Variants in PLXNA2 observed in about 807,000 individuals in gnomAD.
PLXNA2 encodes the protein plexin A2, also known as plexin-A2.
In PLXNA2, 91 loss-of-function variants were observed where a neutral mutation model predicts 193.5. The ratio of observed to expected loss-of-function variants is 0.47; its 90% confidence interval spans 0.40 to 0.56. The LOEUF (loss-of-function observed/expected upper bound fraction) is 0.56, where lower values mean the gene tolerates loss of function less well. PLXNA2 is among the 20% of genes least tolerant of loss of function. The probability of loss-of-function intolerance (pLI) is 0.00; values close to 1 mark genes in which losing one functional copy is unlikely to be tolerated. For missense variants in PLXNA2, 1,995 were observed against 2,503.2 expected (o/e 0.80, Z 4.33); for synonymous variants, 997 against 1,027.3 (o/e 0.97, Z 0.56).
At chr1:208,095,601 G>T (rs931573611) in intron 8 of PLXNA2, among the ~76,000 whole-genome samples, 2 of 152,106 alleles carry the variant, frequency 1.3e-5, no homozygotes, top group Non-Finnish European at 2.9e-5. Flanking sequence ...TCCTCTGTGG[G>T]TGACTGTGTG....
intron 1 of PLXNA2, among the ~76,000 whole-genome samples, chr1:208,239,965 A>G (rs910416007): frequency 6.6e-6 from 1 of 152,176 alleles, no homozygotes; most frequent in African/African-American, 2.4e-5. Flanking sequence ...ATGGGGGAAC[A>G]CCTGCTGGTC....
rs369309868 is a variant in PLXNA2 at position 208,217,626 on chromosome 1, G to A, written c.297C>T (p.Ile99=). 89 of 1,614,076 alleles carry A rather than the reference G, an allele frequency of 5.5e-5. No individual in the cohort carries two copies. Among genetic ancestry groups the A allele is most frequent in the African/African-American group, 1.1e-4 (8 of 74,932 alleles). ...EDNKSCYPPL[I]VQPCSEVLTL... is the part of the protein sequence containing the mutation. ...TGAGCACTTCGCTGCAGGGCTGCAC[G>A]ATGAGGGGCGGGTAACAAGACTTGT... Residue 99 remains isoleucine (I), a synonymous_variant, in exon 2 of 32, where the codon ATC becomes ATT. Coordinates refer to ENST00000367033, the MANE Select transcript of PLXNA2 (RefSeq NM_025179.4). This position sits in a 1 kb window ranked among gnomAD's most constrained non-coding sequence, Gnocchi z 4.7.
chr1:208,225,392 TC>T (rs1671477912), intron 1 of PLXNA2, among the ~76,000 whole-genome samples: 1 of 152,158 alleles, frequency 6.6e-6, no homozygotes. Flanking sequence ...AGCCTCCATC[TC>T]CTGGACTCAA....
intron 10 of PLXNA2, among the ~76,000 whole-genome samples, chr1:208,083,977 AAG>A (rs1328786354): frequency 6.6e-6 from 1 of 152,186 alleles, no homozygotes; most frequent in Non-Finnish European, 1.5e-5. Flanking sequence ...ACTGAAGACA[AAG>A]AGGTGCTCTT....
intron 28 of PLXNA2, 61 bp downstream of exon 28, chr1:208,033,258 T>C: frequency 4.2e-6 from 6 of 1,439,524 alleles, no homozygotes; most frequent in South Asian, 1.3e-5. Context: ...TTCTGTGTTG[T>C]GGAGGGGCAG....
rs140662987 is a variant in PLXNA2 at position 208,081,365 on chromosome 1, C to G, written c.2395+1047G>C. On this transcript the variant is annotated intron_variant, in intron 11 of 31. Transcript: ENST00000367033. ...CCCCTGCTATGGCCTTGCCCCCTAC[C>G]CCATCTCCATTGGCTGATCCGTCAG... 3.4e-3 allele frequency among the ~76,000 whole-genome samples: 522 copies of G among 152,352 alleles called. 2 individuals carry two copies. The highest frequency in any genetic ancestry group is 5.5e-3 in the Non-Finnish European group (373 of 68,038).
At chr1:208,170,110 T>C (rs1054023160) in intron 3 of PLXNA2, among the ~76,000 whole-genome samples, 4 of 152,228 alleles carry the variant, frequency 2.6e-5, no homozygotes, top group Non-Finnish European at 5.9e-5. Context: ...ACCTGATAGA[T>C]GCTGATAGGT....
chr1:208,064,784 C>A (rs1005391192), intron 12 of PLXNA2, among the ~76,000 whole-genome samples: 5 of 152,126 alleles, frequency 3.3e-5, no homozygotes, highest in African/African-American at 1.2e-4. Context: ...GGCTTGGTGA[C>A]AAAGAATTTC....
At chr1:208,031,790 A>C in intron 28 of PLXNA2, 31 bp from the exon 29 acceptor site, 9 of 1,477,670 alleles carry the variant, frequency 6.1e-6, no homozygotes, top group African/African-American at 1.4e-5. Flanking sequence ...AGTAAGATGG[A>C]GGGGGGTGAC....
chr1:208,111,059 A>AT (rs999035882), intron 4 of PLXNA2, among the ~76,000 whole-genome samples: 141 of 151,436 alleles, frequency 9.3e-4, no homozygotes, highest in African/African-American at 3.0e-3. Flanking sequence ...TCCCTAAGGG[A>AT]TTTTTTTTTA....
intron 22 of PLXNA2, among the ~76,000 whole-genome samples, chr1:208,040,465 G>A (rs914244555): frequency 4.6e-5 from 7 of 152,148 alleles, no homozygotes; most frequent in Admixed American, 4.6e-4. Flanking sequence ...TCTTGCATGT[G>A]TGAGTACCCT....
chr1:208,233,119 C>G (rs1256906607), intron 1 of PLXNA2, among the ~76,000 whole-genome samples: 1 of 152,118 alleles, frequency 6.6e-6, no homozygotes, highest in East Asian at 1.9e-4. Flanking sequence ...TGGCTAATCT[C>G]TCTCCTTCTG....
In PLXNA2 at chr1:208,155,598, C is replaced by T. The variant is rs933046582; in HGVS notation, c.1372-13135G>A. On this transcript the variant is annotated intron_variant, in intron 3 of 31. Coordinates refer to ENST00000367033, the MANE Select transcript of PLXNA2 (RefSeq NM_025179.4). ...CAATTTGGCAGTAAGTTGGAAAGTA[C>T]CAGAGAAACTGCAAAGAAGCGGAGG... 5.9e-5 allele frequency among the ~76,000 whole-genome samples: 9 copies of T among 152,282 alleles called. No homozygotes were observed. The South Asian group carries it at 6.2e-4, about 11-fold the overall frequency.
At chr1:208,051,639 AT>A (rs1665266646) in intron 15 of PLXNA2, among the ~76,000 whole-genome samples, 1 of 152,168 alleles carries the variant, frequency 6.6e-6, no homozygotes, top group African/African-American at 2.4e-5. Flanking sequence ...GGGTTTGAAA[AT>A]GAGGGGCAGG....
intron 2 of PLXNA2, among the ~76,000 whole-genome samples, chr1:208,211,471 T>A (rs965305818): frequency 2.6e-5 from 4 of 152,080 alleles, no homozygotes; most frequent in Non-Finnish European, 5.9e-5. Flanking sequence ...AGGCGGGCAG[T>A]TCACGAAGTC....
chr1:208,176,857 T>C (rs1377089300), intron 3 of PLXNA2, among the ~76,000 whole-genome samples: 1 of 152,252 alleles, frequency 6.6e-6, no homozygotes, highest in Non-Finnish European at 1.5e-5. Context: ...CTTTTTGCCC[T>C]ACTCCCTTCC....
intron 3 of PLXNA2, among the ~76,000 whole-genome samples, chr1:208,196,858 G>A (rs547163912): frequency 1.3e-5 from 2 of 152,330 alleles, no homozygotes; most frequent in Admixed American, 1.3e-4. Flanking sequence ...GGCGGGGGTA[G>A]ATGTTGGAAA....
chr1:208,048,115 A>C (rs1665137730), intron 17 of PLXNA2, among the ~76,000 whole-genome samples: 1 of 152,118 alleles, frequency 6.6e-6, no homozygotes, highest in Non-Finnish European at 1.5e-5. Flanking sequence ...TAGCTTCCCT[A>C]GACCAGGCTC....
chr1:208,185,721 A>AAAAAAAAAAAAAAAAAAAAAAAAG (rs1669977326), intron 3 of PLXNA2, among the ~76,000 whole-genome samples: 4 of 124,520 alleles, frequency 3.2e-5, no homozygotes, highest in African/African-American at 1.2e-4. Flanking sequence ...AAAAAAAAGG[A>AAAAAAAAAAAAAAAAAAAAAAAAG]AAAAAAAAAA....
Sources: gnomAD v4.1 joint callset for allele counts (sites outside exome capture counted in the v4.1 genomes callset) on GRCh38, gnomAD v4.1.1 for gene constraint, Gnocchi (gnomAD v3.1) non-coding constraint, MANE v1.5 for transcripts, NCBI Gene and HGNC (gene_info 2026-07-23, HGNC 2026-07-21) for gene names.